Variants in MICU2 observed in about 807,000 individuals in gnomAD.
The protein encoded by MICU2 is calcium uptake protein 2, mitochondrial.
In MICU2, 64 loss-of-function variants were observed where a neutral mutation model predicts 60.4. That is an observed-to-expected ratio of 1.06 (90% CI 0.87 to 1.31). The LOEUF is 1.31. MICU2 is among the 50% of genes most tolerant of loss of function. MICU2 has a pLI of 0.00. For synonymous variants in MICU2, 201 were observed against 175.0 expected (o/e 1.15, Z -1.17); for missense variants, 569 against 531.0 (o/e 1.07, Z -0.70).
At chr13:21,583,934 A>T (rs1888403142) in intron 1 of MICU2, among the ~76,000 whole-genome samples, 1 of 152,244 alleles carries the variant, frequency 6.6e-6, no homozygotes. Flanking sequence ...TTCTCACTGT[A>T]TATAATCTTC....
intron 1 of MICU2, chr13:21,582,895 G>C (rs577799485): frequency 4.5e-5 from 8 of 178,384 alleles, no homozygotes; most frequent in African/African-American, 1.9e-4. Context: ...CTGTAAGGGC[G>C]CACTCTTCTG....
At chr13:21,530,937 T>TGA in intron 4 of MICU2, 1 of 764,858 alleles carries the variant, frequency 1.3e-6, no homozygotes, top group Non-Finnish European at 2.4e-6. Context: ...TTGGCCCCAA[T>TGA]CCTGTGGTCC....
At chr13:21,547,716 A>T (rs562337489) in intron 2 of MICU2, among the ~76,000 whole-genome samples, 1 of 148,818 alleles carries the variant, frequency 6.7e-6, no homozygotes, top group Non-Finnish European at 1.5e-5. Flanking sequence ...TATGATGTCA[A>T]GTAAGACAGA....
At chr13:21,596,154 A>G (rs193059307) in intron 1 of MICU2, among the ~76,000 whole-genome samples, 50 of 152,228 alleles carry the variant, frequency 3.3e-4, no homozygotes, top group Admixed American at 1.1e-3. Context: ...TGTCACTTCC[A>G]TTCAGTGCTA....
At chr13:21,580,060 AG>A (rs1315027814) in intron 1 of MICU2, among the ~76,000 whole-genome samples, 1 of 152,220 alleles carries the variant, frequency 6.6e-6, no homozygotes, top group Non-Finnish European at 1.5e-5. Flanking sequence ...TACTAGAACC[AG>A]GGTCACTTTT....
chr13:21,577,814 A>G (rs1281964095), intron 1 of MICU2, among the ~76,000 whole-genome samples: 2 of 150,250 alleles, frequency 1.3e-5, no homozygotes, highest in East Asian at 1.9e-4. Context: ...CAAAAAAAAA[A>G]AAAAAAAAAA....
At chr13:21,586,663 C>A (rs141801435) in intron 1 of MICU2, among the ~76,000 whole-genome samples, 3 of 152,218 alleles carry the variant, frequency 2.0e-5, no homozygotes, top group African/African-American at 7.2e-5. Context: ...CCTCCTGCCT[C>A]GGCCTTCAAA....
intron 2 of MICU2, among the ~76,000 whole-genome samples, chr13:21,542,339 T>G (rs542190065): frequency 6.6e-6 from 1 of 152,366 alleles, no homozygotes; most frequent in Non-Finnish European, 1.5e-5. Flanking sequence ...TACACCTAAG[T>G]ATTTCTGGAC....
rs1287027834 is a variant in MICU2 at position 21,495,471 on chromosome 13, C to T, written c.1043-153G>A. 7.1e-6 allele frequency: 5 copies of T among 706,140 alleles called. No homozygotes were observed. The East Asian group carries it at 1.1e-4, about 16-fold the overall frequency. The allele number at this position is 706,140 out of a possible 1,614,324, so 43.7% of individuals were successfully genotyped here. On this transcript the variant is annotated intron_variant, in intron 10 of 11. Transcript: ENST00000382374. ...CAAAAATACCCATGAAGAAAATATTCAAACCATAAGCCGACGAATGTCATG... is the reference window on the plus strand; with the variant it reads ...CAAAAATACCCATGAAGAAAATATTTAAACCATAAGCCGACGAATGTCATG...
intron 6 of MICU2, among the ~76,000 whole-genome samples, chr13:21,520,914 G>A (rs1721086953): frequency 6.6e-6 from 1 of 151,494 alleles, no homozygotes; most frequent in African/African-American, 2.4e-5. Flanking sequence ...ATAATTTTTA[G>A]TATAATTTTA....
intron 1 of MICU2, among the ~76,000 whole-genome samples, chr13:21,599,958 T>C (rs888650616): frequency 7.9e-5 from 12 of 152,262 alleles, no homozygotes; most frequent in Non-Finnish European, 1.2e-4. Flanking sequence ...AATACCACTA[T>C]AGCTTGTTGC....
chr13:21,561,200 G>A (rs182079294), intron 2 of MICU2, among the ~76,000 whole-genome samples: 16 of 152,080 alleles, frequency 1.1e-4, no homozygotes, highest in Middle Eastern at 3.4e-3. Context: ...TTTAAACTGT[G>A]TTTTATGATC....
intron 1 of MICU2, among the ~76,000 whole-genome samples, chr13:21,586,252 C>A (rs913752866): frequency 6.6e-6 from 1 of 152,198 alleles, no homozygotes; most frequent in Non-Finnish European, 1.5e-5. Context: ...GAGCAGTTCA[C>A]TATCCGTTTT....
chr13:21,493,880 C>T (rs1358018677), intron 11 of MICU2, among the ~76,000 whole-genome samples: 1 of 151,650 alleles, frequency 6.6e-6, no homozygotes, highest in Non-Finnish European at 1.5e-5. Flanking sequence ...ATGTGGATTA[C>T]TACTACTCTC....
At chr13:21,597,176 G>A (rs948292156) in intron 1 of MICU2, among the ~76,000 whole-genome samples, 3 of 152,092 alleles carry the variant, frequency 2.0e-5, no homozygotes, top group African/African-American at 7.2e-5. Context: ...AGAGACAAAG[G>A]TATATCTATT....
intron 6 of MICU2, among the ~76,000 whole-genome samples, chr13:21,517,799 A>ACACACACACGCG (rs1244489287): frequency 2.6e-4 from 36 of 136,400 alleles, no homozygotes; most frequent in African/African-American, 1.0e-3. Flanking sequence ...ACACACACAC[A>ACACACACACGCG]CGCGCGCGCG....
At chr13:21,598,408 A>T (rs1160392712) in intron 1 of MICU2, among the ~76,000 whole-genome samples, 1 of 152,124 alleles carries the variant, frequency 6.6e-6, no homozygotes, top group African/African-American at 2.4e-5. Context: ...TTTGGGCATT[A>T]TTACAATGAC....
In MICU2 at chr13:21,495,244, T is replaced by A. The variant is rs1471911221; in HGVS notation, c.1117A>T (p.Ile373Phe). The change falls in exon 11 of 12, where the codon ATC (isoleucine) becomes TTC (phenylalanine). Residue 373 changes from isoleucine (I) to phenylalanine (F), a missense_variant. Ile to Phe is a conservative substitution (Grantham distance 21). Coordinates refer to ENST00000382374, the MANE Select transcript of MICU2 (RefSeq NM_152726.3). ...SNNILDTVFK[I>F]FDLDGDECLS... Reference sequence around the variant, plus strand: ...CATTCATCACCATCCAAATCAAAGATCTTAAAGACAGTGTCCAAAATATTG... The same window carrying A: ...CATTCATCACCATCCAAATCAAAGAACTTAAAGACAGTGTCCAAAATATTG... 3.1e-6 allele frequency: 5 copies of A among 1,613,424 alleles called. No homozygotes were observed. The highest frequency in any genetic ancestry group is 1.3e-5 in the African/African-American group (1 of 74,908).
chr13:21,493,199 C>A lies in MICU2; in HGVS notation c.*50G>T, dbSNP rs1202836622. ...AATAGCAAGTACTTCTAAAAAATCA[C>A]AAATTTTGACATTTGGAACAATATA... On this transcript the variant is annotated 3_prime_UTR_variant, in exon 12 of 12. Transcript: ENST00000382374. 1.5e-6 allele frequency: 2 copies of A among 1,326,112 alleles called. No homozygotes were observed. The highest frequency in any genetic ancestry group is 1.5e-5 in the African/African-American group (1 of 67,080). 82.1% of individuals were successfully genotyped at this position (1,326,112 alleles called of 1,614,324 possible).
Sources: allele counts gnomAD v4.1 joint callset (sites outside exome capture counted in the v4.1 genomes callset), GRCh38; gene constraint gnomAD v4.1.1; transcripts MANE v1.5; gene names NCBI Gene and HGNC (gene_info 2026-07-23, HGNC 2026-07-21).